The following EPS15 variants were observed in gnomAD, a reference collection of about 807,000 sequenced individuals.
EPS15 encodes epidermal growth factor receptor pathway substrate 15.
In EPS15, 72 loss-of-function variants were observed where a neutral mutation model predicts 113.8. The ratio of observed to expected loss-of-function variants is 0.63; its 90% CI spans 0.52 to 0.77. The LOEUF is 0.77. Among genes scored for constraint, EPS15 ranks in the 30% least tolerant of loss-of-function variants. EPS15 has a pLI of 0.00. For missense variants in EPS15, 1,048 were observed against 1,045.8 expected, an observed-to-expected ratio of 1.00 and a Z score of -0.03; for synonymous variants, 344 against 363.4, an observed-to-expected ratio of 0.95 and a Z score of 0.61.
At chr1:51,439,563 T>C (rs937288280) in intron 12 of EPS15, among the ~76,000 whole-genome samples, 1 of 152,076 alleles carries the variant, frequency 6.6e-6, no homozygotes, top group Non-Finnish European at 1.5e-5. Context: ...AAAAGTAATT[T>C]TATAGTCATT....
chr1:51,465,405 T>C (rs1654776762), intron 5 of EPS15, 79 bp from the exon 6 acceptor site: 2 of 912,258 alleles, frequency 2.2e-6, no homozygotes, highest in South Asian at 3.0e-5. Context: ...TTTTTGGATT[T>C]AAATATGTTC....
In EPS15 at chr1:51,486,120, G is replaced by T. The variant is rs566388938; in HGVS notation, c.34-4806C>A. ...GTCGAGTCTTTCTATTTTTAAGTAGGTGAAAGAAAATTACAGGCCAGGCAC... is the reference window on the plus strand; with the variant it reads ...GTCGAGTCTTTCTATTTTTAAGTAGTTGAAAGAAAATTACAGGCCAGGCAC... On this transcript the variant is annotated intron_variant, in intron 1 of 24. Transcript: ENST00000371733. 2.6e-5 allele frequency among the ~76,000 whole-genome samples: 4 copies of T among 151,554 alleles called. No individual in the cohort carries two copies. The East Asian group carries it at 7.9e-4, about 30-fold the overall frequency.
intron 4 of EPS15, among the ~76,000 whole-genome samples, 195 bp from the exon 5 acceptor site, chr1:51,468,763 A>G (rs1655031000): frequency 6.6e-6 from 1 of 152,120 alleles, no homozygotes; most frequent in African/African-American, 2.4e-5. Flanking sequence ...AGTATTTATG[A>G]ATCGCTAATA....
chr1:51,366,208 C>T (rs923152685), intron 21 of EPS15, among the ~76,000 whole-genome samples, 179 bp from the exon 22 acceptor site: 6 of 152,010 alleles, frequency 3.9e-5, no homozygotes, highest in South Asian at 2.1e-4. Context: ...GCTGGGACTA[C>T]GGGTATGCAC....
chr1:51,375,506 G>A (rs935185210), intron 21 of EPS15, among the ~76,000 whole-genome samples: 9 of 152,192 alleles, frequency 5.9e-5, no homozygotes, highest in Non-Finnish European at 1.2e-4. Context: ...AAGGGTACCA[G>A]TAAGGTGGGT....
chr1:51,362,285 A>T lies in EPS15; in HGVS notation c.2360-930T>A, dbSNP rs539307128. ...TGCCAACATTTAATAGCCAAGGGTC[A>T]GATATATGAAATTATACACTTAAGA... On this transcript the variant is annotated intron_variant, in intron 23 of 24. Transcript: ENST00000371733. Among the ~76,000 whole-genome samples the T allele has an allele frequency of 4.1e-4, 62 of 152,344 alleles. 4 individuals carry two copies. In the South Asian group the frequency reaches 0.013, roughly 31 times the overall value.
At chr1:51,357,213 A>G (rs1646236299) in intron 24 of EPS15, among the ~76,000 whole-genome samples, 1 of 151,180 alleles carries the variant, frequency 6.6e-6, no homozygotes, top group African/African-American at 2.4e-5. Context: ...CTCGCTCTCA[A>G]CTAAAAATAC....
intron 1 of EPS15, among the ~76,000 whole-genome samples, chr1:51,501,467 G>GGGGTTTTTTGT (rs947894784): frequency 1.3e-5 from 2 of 151,862 alleles, no homozygotes; most frequent in Non-Finnish European, 2.9e-5. Context: ...AGTTTTTTGG[G>GGGGTTTTTTGT]GGGTTTTTTG....
At position 51,399,074 on chromosome 1, in the gene EPS15, G is replaced by C; in HGVS notation, c.2010C>G (p.Ser670Arg). The change falls in exon 20 of 25, where the codon AGC becomes AGG. Residue 670 changes from serine to arginine, a missense_variant. By Grantham distance (110) the Ser-to-Arg change is moderately radical. Coordinates refer to ENST00000371733, the MANE Select transcript of EPS15 (RefSeq NM_001981.3). ...TGTTGGCTGCACTGAAAGGGTCAGTGCTTGAAGTGGCAAAAGGATCAGTAG... is the reference window on the plus strand; with the variant it reads ...TGTTGGCTGCACTGAAAGGGTCAGTCCTTGAAGTGGCAAAAGGATCAGTAG... ...RQSTDPFATS[S>R]TDPFSAANNS... is the part of the protein sequence containing the mutation. 6.2e-7 allele frequency: 1 copy of C among 1,614,074 alleles called. No individual in the cohort carries two copies. Among genetic ancestry groups the C allele is most frequent in the South Asian group, 1.1e-5 (1 of 91,082 alleles).
chr1:51,501,333 G>A lies in EPS15; in HGVS notation c.33+17866C>T, dbSNP rs193128078. On this transcript the variant is annotated intron_variant, in intron 1 of 24. Transcript: ENST00000371733. ...TGAGGAAGGAGAATTGCTTGAACCC[G>A]GGAGGTGGAGGTTGCAGTGAGCCGA... Among the ~76,000 whole-genome samples the A allele has an allele frequency of 7.9e-3, 1,203 of 151,880 alleles. 19 individuals carry two copies. The highest frequency in any genetic ancestry group is 0.028 in the African/African-American group (1,159 of 41,464).
In EPS15 at chr1:51,499,213, A is replaced by G. The variant is rs1644374003; in HGVS notation, c.34-17899T>C. On this transcript the variant is annotated intron_variant, in intron 1 of 24. Coordinates refer to ENST00000371733, the MANE Select transcript of EPS15 (RefSeq NM_001981.3). Reference sequence around the variant, plus strand: ...TTGGTATTTTGTTATAGCAGCAAAAACAGACTAAGACACATATAAAAACAA... The same window carrying G: ...TTGGTATTTTGTTATAGCAGCAAAAGCAGACTAAGACACATATAAAAACAA... Among the ~76,000 whole-genome samples the G allele has an allele frequency of 2.0e-5, 3 of 152,216 alleles. No homozygotes were observed. The South Asian group carries it at 6.2e-4, about 32-fold the overall frequency.
chr1:51,361,100 G>A, intron 24 of EPS15, 71 bp downstream of exon 24: 2 of 1,147,334 alleles, frequency 1.7e-6, no homozygotes, highest in Non-Finnish European at 2.5e-6. Context: ...TGCAAACTTG[G>A]CAGACTCCAA....
intron 8 of EPS15, among the ~76,000 whole-genome samples, chr1:51,450,117 T>C (rs1336586019): frequency 6.6e-6 from 1 of 151,576 alleles, no homozygotes; most frequent in African/African-American, 2.4e-5. Flanking sequence ...TGTGTTCTGG[T>C]ATTTTTGGGC....
At chr1:51,400,811 G>T in intron 19 of EPS15, 107 bp downstream of exon 19, 1 of 545,464 alleles carries the variant, frequency 1.8e-6, no homozygotes. Flanking sequence ...AAAATGCCAG[G>T]CACATAGAGC....
intron 22 of EPS15, 107 bp downstream of exon 22, chr1:51,365,846 T>C: frequency 4.7e-6 from 3 of 638,462 alleles, no homozygotes; most frequent in Non-Finnish European, 8.0e-6. Context: ...TGTGATTTAC[T>C]GAAATCAAGT....
At chr1:51,508,648 T>C (rs940250331) in intron 1 of EPS15, among the ~76,000 whole-genome samples, 10 of 152,178 alleles carry the variant, frequency 6.6e-5, no homozygotes, top group South Asian at 2.1e-4. Flanking sequence ...ATGAGAATCT[T>C]GACACTCTGT....
chr1:51,447,898 G>C, intron 9 of EPS15, 148 bp downstream of exon 9: 1 of 1,239,032 alleles, frequency 8.1e-7, no homozygotes. Context: ...CATGTACTTT[G>C]TTAAAAAAAA....
intron 21 of EPS15, chr1:51,372,356 C>T (rs1370377267): frequency 7.5e-6 from 4 of 535,900 alleles, no homozygotes; most frequent in South Asian, 4.2e-5. Flanking sequence ...AGGTTGGAAA[C>T]CAGCAGTGCA....
chr1:51,450,983 A>G (rs1190203538), intron 8 of EPS15, among the ~76,000 whole-genome samples: 2 of 151,846 alleles, frequency 1.3e-5, no homozygotes, highest in Non-Finnish European at 2.9e-5. Context: ...AAACTCATCA[A>G]ATTATATACT....
Sources: allele counts gnomAD v4.1 joint callset (sites outside exome capture counted in the v4.1 genomes callset), GRCh38; gene constraint gnomAD v4.1.1; transcripts MANE v1.5; gene names NCBI Gene and HGNC (gene_info 2026-07-23, HGNC 2026-07-21).